Variants in ATP13A4 observed in about 807,000 individuals in gnomAD.
ATP13A4 encodes probable cation-transporting ATPase 13A4.
In ATP13A4, 114 loss-of-function variants were observed where a neutral mutation model predicts 142.5. That is an observed-to-expected ratio of 0.80 (90% CI 0.69 to 0.93). ATP13A4 has a LOEUF of 0.93. Ranked by LOEUF, ATP13A4 falls within the 40% of genes least tolerant of loss-of-function variation. ATP13A4 has a pLI of 0.00. For synonymous variants in ATP13A4, 488 were observed against 514.8 expected (o/e 0.95, Z 0.70); for missense variants, 1,392 against 1,454.0 (o/e 0.96, Z 0.69).
At chr3:193,531,555 G>C (rs982376278) in intron 1 of ATP13A4, among the ~76,000 whole-genome samples, 5 of 152,214 alleles carry the variant, frequency 3.3e-5, no homozygotes, top group Admixed American at 6.5e-5. Context: ...TGAGCTCCTT[G>C]AGGCAGAAAC....
At chr3:193,509,367 G>A (rs967114458) in intron 2 of ATP13A4, among the ~76,000 whole-genome samples, 1 of 152,090 alleles carries the variant, frequency 6.6e-6, no homozygotes, top group Non-Finnish European at 1.5e-5. Context: ...AAGAACCCTG[G>A]TTTTATTAAT....
intron 1 of ATP13A4, among the ~76,000 whole-genome samples, chr3:193,550,650 T>C (rs1723503773): frequency 6.6e-6 from 1 of 152,192 alleles, no homozygotes; most frequent in South Asian, 2.1e-4. Context: ...ATGAAGCATA[T>C]TTACTTCATT....
intron 2 of ATP13A4, among the ~76,000 whole-genome samples, chr3:193,509,406 C>T (rs903336211): frequency 6.6e-6 from 1 of 152,172 alleles, no homozygotes; most frequent in African/African-American, 2.4e-5. Context: ...TGCCCATGAG[C>T]CAGCACTGTT....
At chr3:193,509,006 G>A (rs1011769447) in intron 2 of ATP13A4, among the ~76,000 whole-genome samples, 2 of 149,294 alleles carry the variant, frequency 1.3e-5, no homozygotes, top group African/African-American at 4.9e-5. Context: ...AAAAAAAGCT[G>A]AGAAGTTCCA....
At chr3:193,493,396 A>G (rs1377757030) in intron 3 of ATP13A4, among the ~76,000 whole-genome samples, 2 of 152,212 alleles carry the variant, frequency 1.3e-5, no homozygotes, top group African/African-American at 4.8e-5. Context: ...AAAAATATAT[A>G]TGAATAAAAC....
rs73063920 is a variant in ATP13A4, at chr3:193,499,781, G to C, written c.381+2712C>G. Among the ~76,000 whole-genome samples the C allele has an allele frequency of 1.1e-4, 17 of 152,256 alleles. No individual in the cohort carries two copies. In the East Asian group the frequency reaches 2.9e-3, roughly 26 times the overall value. On this transcript the variant is annotated intron_variant, in intron 3 of 29. Transcript: ENST00000342695. ...CCAATGTGAGGCCCCTGATCAGTTC[G>C]AGAACCTCTTATCAAGAGGCAGAAA...
chr3:193,409,855 T>G (rs1487075214), intron 28 of ATP13A4, among the ~76,000 whole-genome samples: 2 of 152,188 alleles, frequency 1.3e-5, no homozygotes, highest in Non-Finnish European at 2.9e-5. Flanking sequence ...CAATGATCAG[T>G]CAGTCATTCC....
At chr3:193,526,025 A>G (rs1163526304) in intron 1 of ATP13A4, among the ~76,000 whole-genome samples, 1 of 152,198 alleles carries the variant, frequency 6.6e-6, no homozygotes, top group Non-Finnish European at 1.5e-5. Context: ...GTTTTGAAAG[A>G]AATTTGGCAT....
In ATP13A4 at chr3:193,435,647, C is replaced by T. The variant is rs935893020; in HGVS notation, c.2769+1G>A. 3.1e-6 allele frequency: 5 copies of T among 1,611,786 alleles called. No individual in the cohort carries two copies. Among genetic ancestry groups the T allele is most frequent in the South Asian group, 1.1e-5 (1 of 91,032 alleles). On this transcript the variant is annotated splice_donor_variant, in intron 24 of 29. Coordinates refer to ENST00000342695, the MANE Select transcript of ATP13A4 (RefSeq NM_032279.4). LOFTEE classifies it high-confidence loss of function. ...CCAAGAGGCTAAGTCCCAAGTCATA[C>T]CCAGTAGAGCAGCAGAACACCAACA...
At chr3:193,561,017 G>A (rs1029870996) in intron 2 of ATP13A4, among the ~76,000 whole-genome samples, 3 of 152,194 alleles carry the variant, frequency 2.0e-5, no homozygotes, top group East Asian at 1.9e-4. Flanking sequence ...CTGAGGCAGC[G>A]TTCCAATTCC....
At chr3:193,416,049 G>A (rs1377904028) in intron 25 of ATP13A4, among the ~76,000 whole-genome samples, 5 of 152,154 alleles carry the variant, frequency 3.3e-5, no homozygotes, top group African/African-American at 9.7e-5. Context: ...ACTGGAGAAG[G>A]TTTTGTTTGT....
intron 25 of ATP13A4, among the ~76,000 whole-genome samples, chr3:193,416,455 A>G (rs1715068635): frequency 1.3e-5 from 2 of 152,162 alleles, no homozygotes. Context: ...TAGGAAAACA[A>G]TGTATGATCA....
intron 27 of ATP13A4, 87 bp downstream of exon 27, chr3:193,412,091 C>A: frequency 8.1e-7 from 1 of 1,228,284 alleles, no homozygotes. Context: ...TAAGAATCAA[C>A]TCTAAAGCTG....
intron 8 of ATP13A4, among the ~76,000 whole-genome samples, chr3:193,476,860 T>C (rs1257523439): frequency 6.6e-6 from 1 of 152,054 alleles, no homozygotes; most frequent in Non-Finnish European, 1.5e-5. Flanking sequence ...TGGTTCATAG[T>C]GCCCCAAAAC....
intron 1 of ATP13A4, among the ~76,000 whole-genome samples, chr3:193,549,182 G>A (rs1456355394): frequency 3.3e-5 from 5 of 152,056 alleles, no homozygotes; most frequent in Non-Finnish European, 5.9e-5. Context: ...GGCATGATGT[G>A]TTAATCCAAA....
chr3:193,496,276 C>T (rs1380344925), intron 3 of ATP13A4, among the ~76,000 whole-genome samples: 1 of 151,986 alleles, frequency 6.6e-6, no homozygotes, highest in East Asian at 1.9e-4. Flanking sequence ...GCAAATAGAG[C>T]AAAAAGAGCA....
chr3:193,488,943 CTTCACTGGAATGAGAG>C (rs947006494), intron 7 of ATP13A4, among the ~76,000 whole-genome samples: 2 of 152,110 alleles, frequency 1.3e-5, no homozygotes, highest in Admixed American at 6.6e-5. Context: ...AGGGCACTTC[CTTCACTGGAATGAGAG>C]TTCAGGGAAG....
chr3:193,480,686 A>C (rs1241113974), intron 8 of ATP13A4, among the ~76,000 whole-genome samples: 4 of 152,234 alleles, frequency 2.6e-5, no homozygotes. Flanking sequence ...GTGGGAATGT[A>C]AACTAGTAAA....
intron 23 of ATP13A4, among the ~76,000 whole-genome samples, chr3:193,436,988 C>T (rs1351254493): frequency 6.8e-6 from 1 of 147,736 alleles, no homozygotes; most frequent in Non-Finnish European, 1.5e-5. Flanking sequence ...CCTGTAGTCC[C>T]AGCTACTTGG....
Sources: allele counts gnomAD v4.1 joint callset (sites outside exome capture counted in the v4.1 genomes callset), GRCh38; gene constraint gnomAD v4.1.1; transcripts MANE v1.5; gene names NCBI Gene and HGNC (gene_info 2026-07-23, HGNC 2026-07-21).